THSD4: variants seen among roughly 807,000 people sequenced by gnomAD.
THSD4 encodes the protein thrombospondin type 1 domain containing 4.
A neutral mutation model predicts 119.0 loss-of-function variants in THSD4; 69 were observed. The observed-to-expected ratio is 0.58, with a 90% CI of 0.48 to 0.71. The LOEUF is 0.71. THSD4 is among the 30% of genes least tolerant of loss of function. The pLI is 0.00. For missense variants in THSD4, 1,393 were observed against 1,391.1 expected (o/e 1.00, Z -0.02); for synonymous variants, 524 against 540.4 (o/e 0.97, Z 0.42).
intron 7 of THSD4, among the ~76,000 whole-genome samples, chr15:71,454,167 G>A (rs1441397472): frequency 6.6e-6 from 1 of 152,162 alleles, no homozygotes; most frequent in Admixed American, 6.5e-5. Flanking sequence ...TGAGGCAGGA[G>A]AATCGCTTGA....
intron 8 of THSD4, among the ~76,000 whole-genome samples, chr15:71,698,703 T>TAC (rs369999022): frequency 2.8e-4 from 41 of 148,720 alleles, no homozygotes; most frequent in African/African-American, 8.4e-4. Context: ...CATTCGTCTA[T>TAC]ACACACACAC....
At chr15:71,467,071 C>A (rs976030115) in intron 7 of THSD4, among the ~76,000 whole-genome samples, 1 of 152,248 alleles carries the variant, frequency 6.6e-6, no homozygotes, top group African/African-American at 2.4e-5. Context: ...TTTCCCGTGG[C>A]TTCCAGGGAC....
chr15:71,387,394 C>T lies in THSD4; in HGVS notation c.1016-24293C>T, dbSNP rs144466839. Among the ~76,000 whole-genome samples the T allele has an allele frequency of 6.8e-3, 1,036 of 152,224 alleles. 11 individuals carry two copies. Among genetic ancestry groups the T allele is most frequent in the African/African-American group, 0.024 (984 of 41,514 alleles). Reference sequence around the variant, plus strand: ...ACGGGGTTTCACTGTAGACAGACAACGTGCCTTGAGATTTAAAGGGTATCA... The same window carrying T: ...ACGGGGTTTCACTGTAGACAGACAATGTGCCTTGAGATTTAAAGGGTATCA... On this transcript the variant is annotated intron_variant, in intron 6 of 17. Transcript: ENST00000261862.
intron 4 of THSD4, among the ~76,000 whole-genome samples, chr15:71,228,581 T>C (rs2044036558): frequency 6.6e-6 from 1 of 152,196 alleles, no homozygotes; most frequent in African/African-American, 2.4e-5. Flanking sequence ...CTATCTTTAG[T>C]GTGTCTTGTG....
At chr15:71,251,782 T>C (rs912491201) in intron 5 of THSD4, among the ~76,000 whole-genome samples, 26 of 152,148 alleles carry the variant, frequency 1.7e-4, no homozygotes, top group African/African-American at 6.3e-4. Context: ...ATGGTGGCTC[T>C]TGAGCAGTGA....
rs146997532 is a variant in THSD4, at chr15:71,731,144, A to T, written c.1557A>T (p.Pro519=). Residue 519 remains proline, a synonymous_variant, in exon 10 of 18, where the codon CCA becomes CCT. Coordinates refer to ENST00000261862, the MANE Select transcript of THSD4 (RefSeq NM_024817.3). ...DVYMIHQQPN[P]GVHYEYVIMG... The stretch of plus-strand genomic sequence containing the variant: ...AGATGATACACCAGCAGCCAAACCC[A>T]GGCGTGCACTACGAGTACGTGATCA... 734 of 1,614,166 alleles carry T rather than the reference A, an allele frequency of 4.5e-4. 4 individuals carry two copies. In the African/African-American group the frequency reaches 8.4e-3, roughly 18 times the overall value.
Position 71,150,618 on chromosome 15 carries a change from G to A in THSD4, c.30-4245G>A, listed in dbSNP as rs149993239. Among the ~76,000 whole-genome samples the A allele has an allele frequency of 4.6e-5, 7 of 152,258 alleles. No individual in the cohort carries two copies. In the East Asian group the frequency reaches 1.4e-3, roughly 29 times the overall value. On this transcript the variant is annotated intron_variant, in intron 2 of 17. Coordinates refer to ENST00000261862, the MANE Select transcript of THSD4 (RefSeq NM_024817.3). ...AGGGCCCAGTAAATGAAGAGAAGAA[G>A]CATTTGAACATCTAAATGTAATTTG...
chr15:71,191,401 A>C (rs1462024176), intron 3 of THSD4, among the ~76,000 whole-genome samples: 1 of 152,180 alleles, frequency 6.6e-6, no homozygotes, highest in East Asian at 1.9e-4. Context: ...AAACTCTGTT[A>C]TCCGGTTCAT....
chr15:71,400,672 C>A (rs2046517763), intron 6 of THSD4, among the ~76,000 whole-genome samples: 1 of 152,112 alleles, frequency 6.6e-6, no homozygotes, highest in South Asian at 2.1e-4. Context: ...TTATTTAACC[C>A]CTGCATATAC....
intron 1 of THSD4, among the ~76,000 whole-genome samples, chr15:71,104,118 C>T (rs902320527): frequency 6.6e-6 from 1 of 152,196 alleles, no homozygotes; most frequent in African/African-American, 2.4e-5. Flanking sequence ...TGGAATAAGG[C>T]TCTCTTTTTG....
At chr15:71,636,628 C>T (rs1483406755) in intron 7 of THSD4, among the ~76,000 whole-genome samples, 2 of 152,104 alleles carry the variant, frequency 1.3e-5, no homozygotes, top group Non-Finnish European at 2.9e-5. Context: ...CTATGTTGTT[C>T]CTGCATTCTC....
At chr15:71,493,707 A>G (rs558621012) in intron 7 of THSD4, among the ~76,000 whole-genome samples, 15 of 152,324 alleles carry the variant, frequency 9.8e-5, no homozygotes, top group Admixed American at 3.3e-4. Flanking sequence ...TCTTTAGGAC[A>G]GCTCTGTCAT....
chr15:71,743,786 A>G (rs994673011), intron 11 of THSD4, among the ~76,000 whole-genome samples: 3 of 152,262 alleles, frequency 2.0e-5, no homozygotes, highest in African/African-American at 7.2e-5. Context: ...GTGTCATACA[A>G]GATGAGCTTG....
At chr15:71,111,452 G>A (rs2040304606), upstream of THSD4, 2 of 1,549,964 alleles carry the variant, frequency 1.3e-6, no homozygotes, top group Non-Finnish European at 1.8e-6. Flanking sequence ...AAAGGACTGG[G>A]TTAAGGAGGC....
intron 6 of THSD4, among the ~76,000 whole-genome samples, chr15:71,343,901 A>G (rs1331703105): frequency 4.0e-5 from 6 of 150,858 alleles, no homozygotes; most frequent in Non-Finnish European, 8.9e-5. Flanking sequence ...TTGTGTAGAG[A>G]CTGGGTCTCA....
At chr15:71,233,228 G>A (rs1318941541) in intron 4 of THSD4, among the ~76,000 whole-genome samples, 2 of 152,098 alleles carry the variant, frequency 1.3e-5, no homozygotes, top group East Asian at 1.9e-4. Context: ...TTATAAGTGG[G>A]CATTTTATGT....
intron 7 of THSD4, among the ~76,000 whole-genome samples, chr15:71,516,948 C>G (rs1470905126): frequency 6.6e-6 from 1 of 152,142 alleles, no homozygotes; most frequent in Non-Finnish European, 1.5e-5. Context: ...GTCCAGTTGA[C>G]ACATGTAGCT....
At chr15:71,371,860 A>G (rs2046054840) in intron 6 of THSD4, among the ~76,000 whole-genome samples, 1 of 152,212 alleles carries the variant, frequency 6.6e-6, no homozygotes, top group Admixed American at 6.5e-5. Context: ...TCTGGATAAT[A>G]TACTGCAGAG....
chr15:71,637,171 G>A (rs1208097921), intron 7 of THSD4, among the ~76,000 whole-genome samples: 3 of 152,216 alleles, frequency 2.0e-5, no homozygotes, highest in African/African-American at 7.2e-5. Context: ...ACAGGCGTGA[G>A]CCACAGTGCC....
Sources: gnomAD v4.1 joint callset for allele counts (sites outside exome capture counted in the v4.1 genomes callset) on GRCh38, gnomAD v4.1.1 for gene constraint, MANE v1.5 for transcripts, NCBI Gene and HGNC (gene_info 2026-07-23, HGNC 2026-07-21) for gene names.